The following IL1RAPL2 variants were observed in gnomAD, a reference collection of about 807,000 sequenced individuals.
IL1RAPL2 encodes the protein X-linked interleukin-1 receptor accessory protein-like 2.
Under a neutral mutation model 44.1 loss-of-function variants are expected in IL1RAPL2, and 3 were observed. That is an observed-to-expected ratio of 0.07 (90% CI 0.03 to 0.18). The LOEUF (loss-of-function observed/expected upper bound fraction) is 0.18, where lower values mean the gene tolerates loss of function less well. Among genes scored for constraint, IL1RAPL2 ranks in the 10% least tolerant of loss-of-function variants. The probability of loss-of-function intolerance (pLI) is 1.00; values close to 1 mark genes in which losing one functional copy is unlikely to be tolerated. For missense variants in IL1RAPL2, 391 were observed against 496.4 expected, an observed-to-expected ratio of 0.79 and a Z score of 2.02; for synonymous variants, 181 against 178.8, an observed-to-expected ratio of 1.01 and a Z score of -0.10.
intron 5 of IL1RAPL2, among the ~76,000 whole-genome samples, chrX:105,423,126 C>T (rs181960269): frequency 1.8e-5 from 2 of 111,230 alleles, no homozygotes; most frequent in East Asian, 5.7e-4. Context: ...GAACACATAG[C>T]AATAACATAT....
intron 4 of IL1RAPL2, among the ~76,000 whole-genome samples, chrX:105,243,863 A>T (rs1737365056): frequency 9.0e-6 from 1 of 111,006 alleles, no homozygotes; most frequent in Non-Finnish European, 1.9e-5. Context: ...CTTATCTAGG[A>T]TAACTTTCTT....
At chrX:104,667,068 T>A (rs1350224326) in intron 2 of IL1RAPL2, among the ~76,000 whole-genome samples, 2 of 111,099 alleles carry the variant, frequency 1.8e-5, no homozygotes, top group East Asian at 5.7e-4. Context: ...AGTCAGGCCC[T>A]GCCTCTCTCT....
At chrX:105,116,134 G>A (rs1170562626) in intron 2 of IL1RAPL2, among the ~76,000 whole-genome samples, 6 of 111,823 alleles carry the variant, frequency 5.4e-5, no homozygotes, top group Admixed American at 3.7e-4. Context: ...TCTGGCCTCC[G>A]CCATCCCAGG....
intron 2 of IL1RAPL2, among the ~76,000 whole-genome samples, chrX:104,691,458 A>G (rs922913802): frequency 2.7e-5 from 3 of 112,169 alleles, no homozygotes; most frequent in Non-Finnish European, 3.8e-5. Context: ...TGGTCTATTT[A>G]TTTGTTGGAA....
intron 2 of IL1RAPL2, among the ~76,000 whole-genome samples, chrX:104,864,654 A>G (rs181451310): frequency 1.2e-4 from 13 of 111,871 alleles, no homozygotes; most frequent in East Asian, 1.1e-3. Context: ...TCCTCCCCCA[A>G]TCTGGGTGGG....
intron 2 of IL1RAPL2, among the ~76,000 whole-genome samples, chrX:104,942,349 A>G (rs1925204720): frequency 1.8e-5 from 2 of 111,834 alleles, no homozygotes; most frequent in South Asian, 7.5e-4. Context: ...ATGTTCTTCC[A>G]TTTGTTTGTG....
At chrX:105,379,353 A>G (rs960601863) in intron 5 of IL1RAPL2, among the ~76,000 whole-genome samples, 1 of 111,632 alleles carries the variant, frequency 9.0e-6, no homozygotes, top group Non-Finnish European at 1.9e-5. Flanking sequence ...GCAAAACAAA[A>G]GTAGTAGAAA....
intron 6 of IL1RAPL2, among the ~76,000 whole-genome samples, chrX:105,563,846 G>T (rs756621336): frequency 1.8e-5 from 2 of 112,174 alleles, no homozygotes; most frequent in Non-Finnish European, 3.8e-5. Context: ...CAGAGGGCCA[G>T]AGGACTGATA....
At chrX:104,716,999 T>C (rs1161052772) in intron 2 of IL1RAPL2, among the ~76,000 whole-genome samples, 2 of 111,836 alleles carry the variant, frequency 1.8e-5, no homozygotes, top group African/African-American at 6.5e-5. Context: ...CTATTCACAA[T>C]AGCAAAGACA....
At chrX:105,391,943 A>T (rs2035527295) in intron 5 of IL1RAPL2, among the ~76,000 whole-genome samples, 1 of 85,045 alleles carries the variant, frequency 1.2e-5, no homozygotes, top group Non-Finnish European at 2.3e-5. Flanking sequence ...GGAATTGAAC[A>T]ATGAGAACAC....
chrX:104,864,221 A>G (rs1355179237), intron 2 of IL1RAPL2, among the ~76,000 whole-genome samples: 1 of 112,284 alleles, frequency 8.9e-6, no homozygotes, highest in Non-Finnish European at 1.9e-5. Context: ...TCAATTTTAT[A>G]GATTGATCAA....
chrX:105,724,055 A>T (rs778634038), intron 7 of IL1RAPL2, among the ~76,000 whole-genome samples: 5 of 111,420 alleles, frequency 4.5e-5, no homozygotes, highest in African/African-American at 6.5e-5. Context: ...CAGGCAGTTG[A>T]CTTGTGGAGA....
chrX:105,731,470 T>G (rs1300197364), intron 7 of IL1RAPL2, among the ~76,000 whole-genome samples: 1 of 110,656 alleles, frequency 9.0e-6, no homozygotes, highest in Non-Finnish European at 1.9e-5. Flanking sequence ...GGTATTTATC[T>G]AAAGAAAATG....
intron 6 of IL1RAPL2, among the ~76,000 whole-genome samples, chrX:105,547,874 G>A (rs1210718319): frequency 8.9e-6 from 1 of 112,541 alleles, no homozygotes; most frequent in Admixed American, 9.4e-5. Flanking sequence ...CTTGATGAGA[G>A]AAGTGGAAAA....
intron 2 of IL1RAPL2, among the ~76,000 whole-genome samples, chrX:105,109,246 C>G (rs1602958295): frequency 8.9e-6 from 1 of 111,993 alleles, no homozygotes; most frequent in African/African-American, 3.2e-5. Context: ...CTGTGTCTGT[C>G]TAATTCACCA....
At chrX:105,527,117 C>T (rs936403576) in intron 6 of IL1RAPL2, among the ~76,000 whole-genome samples, 1 of 111,245 alleles carries the variant, frequency 9.0e-6, no homozygotes, top group African/African-American at 3.3e-5. Context: ...GTCTGTTTAA[C>T]GTGGTTATTC....
chrX:105,116,761 T>A (rs2032866810), intron 2 of IL1RAPL2, among the ~76,000 whole-genome samples: 1 of 112,725 alleles, frequency 8.9e-6, no homozygotes, highest in Admixed American at 9.4e-5. Context: ...GGAACTAATT[T>A]TTTGGTAGGA....
chrX:104,770,215 TC>T (rs1410517126), intron 2 of IL1RAPL2, among the ~76,000 whole-genome samples: 1 of 111,346 alleles, frequency 9.0e-6, no homozygotes, highest in Non-Finnish European at 1.9e-5. Flanking sequence ...AGCCCTTTTT[TC>T]CACATTCCAA....
chrX:104,888,232 AAGTCAG>A (rs1923309757), intron 2 of IL1RAPL2, among the ~76,000 whole-genome samples: 1 of 83,005 alleles, frequency 1.2e-5, no homozygotes, highest in Admixed American at 1.3e-4. Context: ...AAGAGACAGA[AAGTCAG>A]AGAGAGAGAG....
Sources: allele counts gnomAD v4.1 joint callset (sites outside exome capture counted in the v4.1 genomes callset), GRCh38; gene constraint gnomAD v4.1.1; transcripts MANE v1.5; gene names NCBI Gene and HGNC (gene_info 2026-07-23, HGNC 2026-07-21).